NAA11: variants seen among roughly 807,000 people sequenced by gnomAD.
NAA11 encodes the protein N-alpha-acetyltransferase 11.
In NAA11, 15 loss-of-function variants were observed where a neutral mutation model predicts 16.1. The ratio of observed to expected loss-of-function variants is 0.93; its 90% CI spans 0.62 to 1.44. The LOEUF is 1.44. NAA11 is among the 40% of genes most tolerant of loss of function. The pLI is 0.00. For missense variants in NAA11, 298 were observed against 291.3 expected (o/e 1.02, Z -0.17); for synonymous variants, 122 against 112.4 (o/e 1.09, Z -0.54).
chr4:79,266,571 CAG>C (rs1450448186), intron 2 of NAA11, among the ~76,000 whole-genome samples: 3 of 152,178 alleles, frequency 2.0e-5, no homozygotes, highest in Admixed American at 1.3e-4. Context: ...AACTGGCTAA[CAG>C]AGGCAGGCAG....
intron 2 of NAA11, among the ~76,000 whole-genome samples, chr4:79,247,603 G>C (rs1443511610): frequency 6.6e-6 from 1 of 152,108 alleles, no homozygotes; most frequent in Non-Finnish European, 1.5e-5. Context: ...CAAGTGACCA[G>C]AACATCAGTA....
At chr4:79,230,313 T>A (rs374193140) in intron 2 of NAA11, among the ~76,000 whole-genome samples, 1 of 151,812 alleles carries the variant, frequency 6.6e-6, no homozygotes, top group African/African-American at 2.4e-5. Flanking sequence ...TTGGGAGATA[T>A]ACCTAATGCT....
chr4:79,202,623 T>TTATATATATATATATATGTA, the NAA11 span, among the ~76,000 whole-genome samples: 278 of 52,636 alleles, frequency 5.3e-3, 10 homozygotes, highest in African/African-American at 0.012. Flanking sequence ...ATATATAGTT[T>TTATATATATATATATATGTA]TATATATATA....
At chr4:79,210,807 T>C in the NAA11 span, among the ~76,000 whole-genome samples, 1 of 152,182 alleles carries the variant, frequency 6.6e-6, no homozygotes, top group East Asian at 1.9e-4. Flanking sequence ...GAGGCAGATA[T>C]ACTGCAGCCA....
chr4:79,256,651 A>ATATATATAT (rs1722113513), intron 2 of NAA11, among the ~76,000 whole-genome samples: 4 of 130,766 alleles, frequency 3.1e-5, no homozygotes, highest in African/African-American at 1.2e-4. Flanking sequence ...TATAAATATA[A>ATATATATAT]ATATATATAT....
chr4:79,162,802 TG>T, the NAA11 span, among the ~76,000 whole-genome samples: 1 of 152,192 alleles, frequency 6.6e-6, no homozygotes. Flanking sequence ...TCCAAAGAGC[TG>T]GAATACTGTA....
the NAA11 span, among the ~76,000 whole-genome samples, chr4:79,164,672 C>T: frequency 6.6e-6 from 1 of 152,156 alleles, no homozygotes; most frequent in Non-Finnish European, 1.5e-5. Flanking sequence ...ATGCTTCCCT[C>T]GTGCCAGTCA....
chr4:79,325,850 C>T lies in NAA11; in HGVS notation c.28G>A (p.Asp10Asn), dbSNP rs1724261119. Residue 10 changes from aspartate to asparagine, a missense_variant, in exon 1 of 2, where the codon GAC becomes AAC. Asp to Asn is a conservative substitution (Grantham distance 23). Transcript: ENST00000286794. ...TTGCAGTGTTGCATATTCATCAGGT[C>T]GTCTGGCTGAGCGTTGCGGATGTTC... The part of the protein sequence containing the change: MNIRNAQPD[D>N]LMNMQHCNLL... 1.4e-5 allele frequency: 22 copies of T among 1,612,770 alleles called. No individual in the cohort carries two copies. Among genetic ancestry groups the T allele is most frequent in the Non-Finnish European group, 1.9e-5 (22 of 1,179,166 alleles).
chr4:79,266,875 C>T (rs371942443), intron 2 of NAA11, among the ~76,000 whole-genome samples: 1 of 152,246 alleles, frequency 6.6e-6, no homozygotes. Context: ...TAGGGCTTCA[C>T]TCTTTCAATG....
At chr4:79,305,633 A>G (rs901689638) in intron 1 of NAA11, among the ~76,000 whole-genome samples, 4 of 152,152 alleles carry the variant, frequency 2.6e-5, no homozygotes, top group Non-Finnish European at 4.4e-5. Flanking sequence ...GAGATGGGGA[A>G]GCTTTTCATA....
chr4:79,192,078 A>C, the NAA11 span, among the ~76,000 whole-genome samples: 2 of 152,152 alleles, frequency 1.3e-5, no homozygotes, highest in Non-Finnish European at 2.9e-5. Flanking sequence ...TGTTTTGGTT[A>C]CTGTAGCCCT....
intron 2 of NAA11, chr4:79,244,911 A>T: frequency 6.1e-6 from 1 of 163,570 alleles, no homozygotes; most frequent in Non-Finnish European, 1.3e-5. Context: ...TGCAGACGGG[A>T]GTCTCGCTTA....
chr4:79,212,373 C>T, the NAA11 span, among the ~76,000 whole-genome samples: 8 of 151,972 alleles, frequency 5.3e-5, no homozygotes, highest in East Asian at 1.9e-4. Context: ...AATCAGTTGT[C>T]GGCTTGAATT....
the NAA11 span, among the ~76,000 whole-genome samples, chr4:79,209,815 G>A: frequency 6.6e-6 from 1 of 152,042 alleles, no homozygotes; most frequent in Non-Finnish European, 1.5e-5. Flanking sequence ...AGAGATGGAG[G>A]TGGGCAAATT....
intron 2 of NAA11, among the ~76,000 whole-genome samples, chr4:79,284,135 C>T (rs2109988284): frequency 6.6e-6 from 1 of 152,180 alleles, no homozygotes; most frequent in East Asian, 1.9e-4. Flanking sequence ...GAGGCAACAG[C>T]CCTAAGGCAG....
At chr4:79,253,052 A>G (rs959500077) in intron 2 of NAA11, among the ~76,000 whole-genome samples, 5 of 152,206 alleles carry the variant, frequency 3.3e-5, no homozygotes, top group East Asian at 1.9e-4. Context: ...GTAGCCAAAC[A>G]TGGAATATAT....
chr4:79,262,775 T>C (rs1010485438), intron 2 of NAA11, among the ~76,000 whole-genome samples: 1 of 152,134 alleles, frequency 6.6e-6, no homozygotes, highest in Non-Finnish European at 1.5e-5. Context: ...GTTTATGTAG[T>C]AAATGTGTTC....
chr4:79,196,918 C>A, the NAA11 span, among the ~76,000 whole-genome samples: 1 of 117,772 alleles, frequency 8.5e-6, no homozygotes, highest in Non-Finnish European at 1.6e-5. Flanking sequence ...GGGCCATGAA[C>A]CAGGGAATGT....
chr4:79,195,691 A>G, the NAA11 span: 4 of 152,122 alleles, frequency 2.6e-5, no homozygotes, highest in African/African-American at 7.2e-5. Flanking sequence ...TGTAGTCCCC[A>G]TAATTCCCAT....
Sources: allele counts gnomAD v4.1 joint callset (sites outside exome capture counted in the v4.1 genomes callset), GRCh38; gene constraint gnomAD v4.1.1; transcripts MANE v1.5; gene names NCBI Gene and HGNC (gene_info 2026-07-23, HGNC 2026-07-21).